GATC: variants seen among roughly 807,000 people sequenced by gnomAD.
GATC encodes the protein glutamyl-tRNA(Gln) amidotransferase subunit C, mitochondrial.
In GATC, 11 loss-of-function variants were observed where a neutral mutation model predicts 14.4. The ratio of observed to expected loss-of-function variants is 0.77; its 90% CI spans 0.48 to 1.27. The LOEUF (loss-of-function observed/expected upper bound fraction) is 1.27, where lower values mean the gene tolerates loss of function less well. GATC is among the 50% of genes most tolerant of loss of function. The pLI is 0.00. For missense variants in GATC, 204 were observed against 183.0 expected (o/e 1.11, Z -0.66); for synonymous variants, 76 against 79.3 (o/e 0.96, Z 0.22).
intron 2 of GATC, among the ~76,000 whole-genome samples, chr12:120,455,530 G>T (rs374977578): frequency 2.0e-3 from 301 of 151,726 alleles, no homozygotes; most frequent in African/African-American, 7.0e-3. Flanking sequence ...GATCATACTT[G>T]TTCAAGGCCA....
At chr12:120,451,875 C>CTTTTTTTTTTTTCTTTT (rs1592984307) in intron 2 of GATC, among the ~76,000 whole-genome samples, 5 of 90,792 alleles carry the variant, frequency 5.5e-5, no homozygotes, top group African/African-American at 8.4e-5. Context: ...TATATAAATT[C>CTTTTTTTTTTTTCTTTT]TTTTTTTTTT....
In GATC at chr12:120,460,033, C is replaced by G; in HGVS notation, c.*74C>G. On this transcript the variant is annotated 3_prime_UTR_variant, in exon 4 of 4. Coordinates refer to ENST00000551765, the MANE Select transcript of GATC (RefSeq NM_176818.3). ...TGACAGTATTTTTTTACTGTGAATA[C>G]TAATGTTCCTGCTTTTTTCAGTCCC... 1 of 1,118,346 alleles carries G rather than the reference C, an allele frequency of 8.9e-7. No homozygotes were observed. Among genetic ancestry groups the G allele is most frequent in the Non-Finnish European group, 1.3e-6 (1 of 749,088 alleles). 69.3% of individuals were successfully genotyped at this position (1,118,346 alleles called of 1,614,324 possible).
chr12:120,456,909 GTAGGCTGT>G (rs1291030978), intron 2 of GATC, among the ~76,000 whole-genome samples, 159 bp from the exon 3 acceptor site: 1 of 152,138 alleles, frequency 6.6e-6, no homozygotes, highest in African/African-American at 2.4e-5. Flanking sequence ...TCTATAAACT[GTAGGCTGT>G]TATTTGGTCT....
chr12:120,449,954 G>A (rs1330219914), intron 2 of GATC, among the ~76,000 whole-genome samples: 1 of 151,780 alleles, frequency 6.6e-6, no homozygotes, highest in Admixed American at 6.6e-5. Context: ...TAGAGACAGG[G>A]TTTCTCCATG....
At chr12:120,456,780 T>C (rs1878195261) in intron 2 of GATC, among the ~76,000 whole-genome samples, 1 of 152,192 alleles carries the variant, frequency 6.6e-6, no homozygotes, top group African/African-American at 2.4e-5. Context: ...AATATTGTTT[T>C]TGTAATTGCT....
chr12:120,448,642 C>CTTTTTTT (rs71451885), intron 2 of GATC, among the ~76,000 whole-genome samples: 3 of 87,494 alleles, frequency 3.4e-5, no homozygotes, highest in African/African-American at 1.5e-4. Flanking sequence ...AAGTCCATTC[C>CTTTTTTT]TTTTTTTTTT....
chr12:120,452,887 G>A (rs986972876), intron 2 of GATC, among the ~76,000 whole-genome samples: 2 of 151,876 alleles, frequency 1.3e-5, no homozygotes, highest in African/African-American at 4.8e-5. Flanking sequence ...GGGGAGATGG[G>A]GTCTCACCAT....
intron 2 of GATC, among the ~76,000 whole-genome samples, chr12:120,456,840 A>AT (rs1878197245): frequency 1.3e-5 from 2 of 152,332 alleles, no homozygotes; most frequent in South Asian, 4.1e-4. Context: ...ATCAAAAACT[A>AT]TTTGTTAAAT....
At chr12:120,453,928 T>C (rs1455510438) in intron 2 of GATC, among the ~76,000 whole-genome samples, 3 of 152,158 alleles carry the variant, frequency 2.0e-5, no homozygotes, top group Non-Finnish European at 2.9e-5. Context: ...TAGAAATGTA[T>C]GTATGTATGT....
intron 3 of GATC, among the ~76,000 whole-genome samples, chr12:120,458,705 T>TGCTA (rs1405158912): frequency 6.6e-6 from 1 of 152,282 alleles, no homozygotes; most frequent in Admixed American, 6.5e-5. Flanking sequence ...TCAGGTAGCC[T>TGCTA]GCTAAGTGCC....
At position 120,461,855 on chromosome 12, in the gene GATC, G is replaced by A. The variant is rs1341918664; in HGVS notation, c.*1896G>A. Reference sequence around the variant, plus strand: ...TTTCTGCAGTTTAAAATGTTTCACTGCTAATATGGCCCTGGTAGAAATTAT... The same window carrying A: ...TTTCTGCAGTTTAAAATGTTTCACTACTAATATGGCCCTGGTAGAAATTAT... On this transcript the variant is annotated 3_prime_UTR_variant, in exon 4 of 4. Coordinates refer to ENST00000551765, the MANE Select transcript of GATC (RefSeq NM_176818.3). 1.4e-6 allele frequency: 1 copy of A among 689,972 alleles called. No homozygotes were observed. 42.7% of individuals were successfully genotyped at this position (689,972 alleles called of 1,614,324 possible). A position where few individuals can be genotyped will look rare whatever the true frequency, so the allele number is the denominator to read the frequency against.
At chr12:120,456,662 A>G (rs1444511539) in intron 2 of GATC, among the ~76,000 whole-genome samples, 1 of 152,148 alleles carries the variant, frequency 6.6e-6, no homozygotes, top group East Asian at 1.9e-4. Context: ...TTTCTTGCCC[A>G]TCCTTGAACA....
At chr12:120,448,669 G>A (rs1877947482) in intron 2 of GATC, among the ~76,000 whole-genome samples, 1 of 101,814 alleles carries the variant, frequency 9.8e-6, no homozygotes, top group Non-Finnish European at 1.8e-5. Context: ...TTTTTGAGAC[G>A]GAGTTTCACT....
chr12:120,453,524 A>G (rs1209303374), intron 2 of GATC, among the ~76,000 whole-genome samples: 4 of 152,182 alleles, frequency 2.6e-5, no homozygotes, highest in Non-Finnish European at 5.9e-5. Flanking sequence ...TGGGAAAGAC[A>G]GGTGGTGAGG....
intron 2 of GATC, among the ~76,000 whole-genome samples, chr12:120,450,136 C>T (rs1878000339): frequency 6.6e-6 from 1 of 152,128 alleles, no homozygotes; most frequent in African/African-American, 2.4e-5. Flanking sequence ...CCCAAGTTAT[C>T]TAGAGGGTAA....
At position 120,460,038 on chromosome 12, in the gene GATC, G is replaced by C; in HGVS notation, c.*79G>C. The C allele has an allele frequency of 1.8e-6, 2 of 1,081,162 alleles. No individual in the cohort carries two copies. Among genetic ancestry groups the C allele is most frequent in the Non-Finnish European group, 2.8e-6 (2 of 718,614 alleles). 67.0% of individuals were successfully genotyped at this position (1,081,162 alleles called of 1,614,324 possible). A position where few individuals can be genotyped will look rare whatever the true frequency, so the allele number is the denominator to read the frequency against. ...GTATTTTTTTACTGTGAATACTAAT[G>C]TTCCTGCTTTTTTCAGTCCCCTGAA... On this transcript the variant is annotated 3_prime_UTR_variant, in exon 4 of 4. Coordinates refer to ENST00000551765, the MANE Select transcript of GATC (RefSeq NM_176818.3).
Position 120,460,024 on chromosome 12 carries a change from C to T in GATC, c.*65C>T. On this transcript the variant is annotated 3_prime_UTR_variant, in exon 4 of 4. Coordinates refer to ENST00000551765, the MANE Select transcript of GATC (RefSeq NM_176818.3). ...GAAGCATAATGACAGTATTTTTTTA[C>T]TGTGAATACTAATGTTCCTGCTTTT... The T allele has an allele frequency of 8.3e-7, 1 of 1,211,668 alleles. No individual in the cohort carries two copies. Among genetic ancestry groups the T allele is most frequent in the Non-Finnish European group, 1.2e-6 (1 of 827,306 alleles). 75.1% of individuals were successfully genotyped at this position (1,211,668 alleles called of 1,614,324 possible).
intron 3 of GATC, among the ~76,000 whole-genome samples, chr12:120,458,378 G>A (rs1878242703): frequency 6.6e-6 from 1 of 151,986 alleles, no homozygotes; most frequent in Non-Finnish European, 1.5e-5. Flanking sequence ...ACTGCACCCC[G>A]CCGATATTTC....
At chr12:120,449,779 A>T (rs78950515) in intron 2 of GATC, among the ~76,000 whole-genome samples, 1 of 146,370 alleles carries the variant, frequency 6.8e-6, no homozygotes, top group Non-Finnish European at 1.5e-5. Flanking sequence ...TTTTTTTTTT[A>T]GAGACAGAGT....
Sources: allele counts gnomAD v4.1 joint callset (sites outside exome capture counted in the v4.1 genomes callset), GRCh38; gene constraint gnomAD v4.1.1; transcripts MANE v1.5; gene names NCBI Gene and HGNC (gene_info 2026-07-23, HGNC 2026-07-21).